Variants in COL8A1 observed in about 807,000 individuals in gnomAD.
COL8A1 encodes collagen type VIII alpha 1 chain.
In COL8A1, 21 loss-of-function variants were observed where a neutral mutation model predicts 42.7. The ratio of observed to expected loss-of-function variants is 0.49; its 90% confidence interval spans 0.35 to 0.71. The LOEUF (loss-of-function observed/expected upper bound fraction) is 0.71, where lower values mean the gene tolerates loss of function less well. COL8A1 is among the 30% of genes least tolerant of loss of function. The pLI is 0.01. For missense variants in COL8A1, 788 were observed against 962.4 expected (o/e 0.82, Z 2.40); for synonymous variants, 367 against 369.1 (o/e 0.99, Z 0.06).
At chr3:99,704,357 A>G (rs1236683828) in intron 1 of COL8A1, among the ~76,000 whole-genome samples, 1 of 152,156 alleles carries the variant, frequency 6.6e-6, no homozygotes, top group African/African-American at 2.4e-5. Flanking sequence ...GGATTTTCCT[A>G]CACTCAAAGA....
intron 1 of COL8A1, among the ~76,000 whole-genome samples, chr3:99,669,146 T>TATATAGAGAG: frequency 8.7e-6 from 1 of 115,364 alleles, no homozygotes; most frequent in African/African-American, 3.0e-5. Flanking sequence ...TATATATATA[T>TATATAGAGAG]AGAGGGAGAG....
chr3:99,744,566 T>A (rs1429641524), intron 1 of COL8A1, among the ~76,000 whole-genome samples: 1 of 152,238 alleles, frequency 6.6e-6, no homozygotes. Flanking sequence ...TAAAATTAAC[T>A]TTTTTCCCTG....
At chr3:99,651,434 G>C (rs1268794534) in intron 1 of COL8A1, among the ~76,000 whole-genome samples, 1 of 152,196 alleles carries the variant, frequency 6.6e-6, no homozygotes, top group African/African-American at 2.4e-5. Flanking sequence ...CTATTTCTGT[G>C]TTCTGCAGTG....
At chr3:99,701,459 A>T (rs373117053) in intron 1 of COL8A1, among the ~76,000 whole-genome samples, 8 of 152,164 alleles carry the variant, frequency 5.3e-5, no homozygotes, top group African/African-American at 2.4e-5. Context: ...TTGGCAGTGG[A>T]GTATTTTGTT....
intron 2 of COL8A1, among the ~76,000 whole-genome samples, chr3:99,775,538 A>AT (rs1941678327): frequency 6.6e-6 from 1 of 152,200 alleles, no homozygotes; most frequent in Admixed American, 6.5e-5. Context: ...TCTTGAATAC[A>AT]TTAACTCTTG....
chr3:99,704,432 T>G (rs1939624398), intron 1 of COL8A1, among the ~76,000 whole-genome samples: 1 of 152,028 alleles, frequency 6.6e-6, no homozygotes, highest in African/African-American at 2.4e-5. Flanking sequence ...TTTATTAAAC[T>G]TTAAGTTTTA....
intron 1 of COL8A1, among the ~76,000 whole-genome samples, chr3:99,693,953 T>C (rs1939294233): frequency 6.6e-6 from 1 of 152,202 alleles, no homozygotes; most frequent in Non-Finnish European, 1.5e-5. Flanking sequence ...CTTTTCTATG[T>C]TTAGATACAC....
intron 1 of COL8A1, among the ~76,000 whole-genome samples, chr3:99,669,619 G>T (rs1300956539): frequency 1.3e-5 from 2 of 151,962 alleles, no homozygotes; most frequent in Non-Finnish European, 1.5e-5. Context: ...ATAAATAAAT[G>T]AATGAAAGAA....
At chr3:99,675,417 C>A (rs551591227) in intron 1 of COL8A1, among the ~76,000 whole-genome samples, 3 of 151,936 alleles carry the variant, frequency 2.0e-5, no homozygotes, top group Admixed American at 6.6e-5. Flanking sequence ...TTGTTATGAG[C>A]GCCAGTGATG....
chr3:99,721,795 G>C (rs1216392533), intron 1 of COL8A1, among the ~76,000 whole-genome samples: 2 of 151,932 alleles, frequency 1.3e-5, no homozygotes, highest in Admixed American at 6.6e-5. Context: ...AAGGGCAGAG[G>C]AAAGTCAGGC....
At chr3:99,766,314 T>C (rs536031486) in intron 2 of COL8A1, among the ~76,000 whole-genome samples, 19 of 152,314 alleles carry the variant, frequency 1.2e-4, no homozygotes, top group African/African-American at 4.6e-4. Flanking sequence ...GCTAGGACCC[T>C]GCAGCCCATA....
At chr3:99,669,146 T>TATATAGAGAGAG in intron 1 of COL8A1, among the ~76,000 whole-genome samples, 1 of 115,364 alleles carries the variant, frequency 8.7e-6, no homozygotes, top group African/African-American at 3.0e-5. Flanking sequence ...TATATATATA[T>TATATAGAGAGAG]AGAGGGAGAG....
At chr3:99,736,114 A>G (rs1940706326) in intron 1 of COL8A1, among the ~76,000 whole-genome samples, 1 of 151,976 alleles carries the variant, frequency 6.6e-6, no homozygotes, top group African/African-American at 2.4e-5. Context: ...TCCTAGATTC[A>G]TTAATTTTTT....
chr3:99,650,346 T>A (rs1937803448), intron 1 of COL8A1, among the ~76,000 whole-genome samples: 1 of 152,266 alleles, frequency 6.6e-6, no homozygotes, highest in Non-Finnish European at 1.5e-5. Flanking sequence ...TAGAACTTTC[T>A]GCAATGATGG....
At chr3:99,753,218 T>C (rs1326284805) in intron 2 of COL8A1, among the ~76,000 whole-genome samples, 1 of 152,182 alleles carries the variant, frequency 6.6e-6, no homozygotes, top group East Asian at 1.9e-4. Flanking sequence ...TGCCAGATGA[T>C]GGTGAGGCTA....
At chr3:99,735,966 T>C (rs1371487198) in intron 1 of COL8A1, among the ~76,000 whole-genome samples, 2 of 152,050 alleles carry the variant, frequency 1.3e-5, no homozygotes, top group Non-Finnish European at 2.9e-5. Flanking sequence ...TCTCTGATGG[T>C]AGTTTGTATT....
intron 2 of COL8A1, among the ~76,000 whole-genome samples, chr3:99,755,503 T>C (rs1407325292): frequency 1.3e-5 from 2 of 152,144 alleles, no homozygotes; most frequent in Non-Finnish European, 2.9e-5. Flanking sequence ...ACATTCTGTC[T>C]AGTTGGAGAA....
At chr3:99,709,999 T>C (rs1386818692) in intron 1 of COL8A1, among the ~76,000 whole-genome samples, 18 of 152,188 alleles carry the variant, frequency 1.2e-4, no homozygotes, top group Non-Finnish European at 2.1e-4. Context: ...AGAATTATAC[T>C]TGCTATTTAA....
At chr3:99,664,763 C>T (rs987519715) in intron 1 of COL8A1, among the ~76,000 whole-genome samples, 2 of 152,160 alleles carry the variant, frequency 1.3e-5, no homozygotes, top group Admixed American at 6.5e-5. Flanking sequence ...TGCTTTCCAT[C>T]GACTGAAGAA....
Sources: gnomAD v4.1 joint callset for allele counts (sites outside exome capture counted in the v4.1 genomes callset) on GRCh38, gnomAD v4.1.1 for gene constraint, MANE v1.5 for transcripts, NCBI Gene and HGNC (gene_info 2026-07-23, HGNC 2026-07-21) for gene names.